GFRAL: variants seen among roughly 807,000 people sequenced by gnomAD.
GFRAL encodes the protein GDNF family receptor alpha-like.
A neutral mutation model predicts 45.4 loss-of-function variants in GFRAL; 36 were observed. That is an observed-to-expected ratio of 0.79 (90% CI 0.61 to 1.05). The LOEUF is 1.05. Among genes scored for constraint, GFRAL ranks in the 50% least tolerant of loss-of-function variants. The pLI, the probability that GFRAL is intolerant of heterozygous loss-of-function variation, is 0.00. For synonymous variants in GFRAL, 166 were observed against 154.1 expected (o/e 1.08, Z -0.57); for missense variants, 507 against 467.5 (o/e 1.08, Z -0.78).
intron 6 of GFRAL, among the ~76,000 whole-genome samples, chr6:55,386,238 A>T (rs187058013): frequency 6.6e-6 from 1 of 152,116 alleles, no homozygotes; most frequent in East Asian, 1.9e-4. Context: ...ATGTGTCCAT[A>T]TTCAATAAAC....
chr6:55,354,486 T>A (rs1306310192), intron 5 of GFRAL, among the ~76,000 whole-genome samples: 1 of 152,070 alleles, frequency 6.6e-6, no homozygotes, highest in Non-Finnish European at 1.5e-5. Context: ...CTTAGATTAG[T>A]TCAAGTGTAA....
chr6:55,337,467 A>G (rs562244548), intron 3 of GFRAL, among the ~76,000 whole-genome samples: 2 of 152,322 alleles, frequency 1.3e-5, no homozygotes, highest in South Asian at 4.1e-4. Flanking sequence ...CTGGAAAAGC[A>G]CAAAAAGAAT....
chr6:55,381,219 C>G (rs1360622947), intron 6 of GFRAL, among the ~76,000 whole-genome samples: 1 of 151,868 alleles, frequency 6.6e-6, no homozygotes, highest in African/African-American at 2.4e-5. Flanking sequence ...CAACTGATTT[C>G]CAGAACCAGC....
intron 6 of GFRAL, among the ~76,000 whole-genome samples, chr6:55,363,014 G>A (rs1002388625): frequency 1.3e-5 from 2 of 150,936 alleles, no homozygotes; most frequent in African/African-American, 4.9e-5. Flanking sequence ...AAAAGAACAA[G>A]GAGAAGAAGT....
chr6:55,331,830 A>C lies in GFRAL; in HGVS notation c.138A>C (p.Glu46Asp). The part of the protein sequence containing the change: ...NGCKHAWRVM[E>D]DACNDSDPGD... The stretch of plus-strand genomic sequence containing the variant: ...GTAAACATGCTTGGAGAGTAATGGA[A>C]GATGCCTGCAATGATTCAGGTAAAC... The change falls in exon 2 of 9, where the codon GAA becomes GAC. Residue 46 changes from glutamate (E) to aspartate (D), a missense_variant. Coordinates refer to ENST00000340465, the MANE Select transcript of GFRAL (RefSeq NM_207410.2). 1 of 1,610,684 alleles carries C rather than the reference A, an allele frequency of 6.2e-7. No homozygotes were observed.
At chr6:55,370,863 A>G (rs79735323) in intron 6 of GFRAL, among the ~76,000 whole-genome samples, 7,051 of 152,278 alleles carry the variant, frequency 0.046, 241 homozygotes, top group African/African-American at 0.081. Flanking sequence ...CAATGAAATA[A>G]TAAAGCACAC....
At chr6:55,352,070 A>T (rs1392068816) in intron 5 of GFRAL, among the ~76,000 whole-genome samples, 2 of 152,082 alleles carry the variant, frequency 1.3e-5, no homozygotes, top group Non-Finnish European at 2.9e-5. Context: ...AGAGATAACC[A>T]GGTCCACACA....
chr6:55,368,209 T>C (rs1768393234), intron 6 of GFRAL, among the ~76,000 whole-genome samples: 1 of 152,070 alleles, frequency 6.6e-6, no homozygotes, highest in Non-Finnish European at 1.5e-5. Context: ...CCATCGCTGA[T>C]ACCCTTTCTT....
chr6:55,401,430 A>C (rs1414371153), intron 8 of GFRAL, among the ~76,000 whole-genome samples: 6 of 152,222 alleles, frequency 3.9e-5, no homozygotes, highest in Non-Finnish European at 7.3e-5. Context: ...CCTGATGGTC[A>C]AGCCCAACCC....
At position 55,402,046 on chromosome 6, in the gene GFRAL, G is replaced by A. The variant is rs900510944; in HGVS notation, c.*193G>A. 27 of 445,894 alleles carry A rather than the reference G, an allele frequency of 6.1e-5. No homozygotes were observed. The highest frequency in any genetic ancestry group is 8.3e-5 in the African/African-American group (4 of 48,086). The allele number at this position is 445,894 out of a possible 1,614,324, so 27.6% of individuals were successfully genotyped here. A position where few individuals can be genotyped will look rare whatever the true frequency, so the allele number is the denominator to read the frequency against. On this transcript the variant is annotated 3_prime_UTR_variant, in exon 9 of 9. Transcript: ENST00000340465. ...GGCTGCAGTACAATGGCTCAATCTC[G>A]GTTCACTGCAACCTCTGCCTCCAAG...
chr6:55,331,817 G>T lies in GFRAL; in HGVS notation c.125G>T (p.Trp42Leu), dbSNP rs1330893936. The change falls in exon 2 of 9, where the codon TGG (tryptophan) becomes TTG (leucine). Residue 42 changes from tryptophan to leucine, a missense_variant. Physicochemically the swap from Trp to Leu is moderately conservative, Grantham distance 61. Transcript: ENST00000340465. ...LRDANGCKHA[W>L]RVMEDACNDS... ...GATGCAAATGGATGTAAACATGCTT[G>T]GAGAGTAATGGAAGATGCCTGCAAT... 1.9e-6 allele frequency: 3 copies of T among 1,610,962 alleles called. No homozygotes were observed. The highest frequency in any genetic ancestry group is 1.3e-5 in the African/African-American group (1 of 74,776).
Position 55,365,235 on chromosome 6 carries a change from C to G in GFRAL, c.952+6097C>G, listed in dbSNP as rs560551099. Among the ~76,000 whole-genome samples, 124 of 144,048 alleles carry G rather than the reference C, an allele frequency of 8.6e-4. 2 individuals are homozygous for G. The East Asian group carries it at 0.021, about 24-fold the overall frequency. 94.5% of individuals were successfully genotyped at this position (144,048 alleles called of 152,430 possible). A position where few individuals can be genotyped will look rare whatever the true frequency, so the allele number is the denominator to read the frequency against. On this transcript the variant is annotated intron_variant, in intron 6 of 8. Coordinates refer to ENST00000340465, the MANE Select transcript of GFRAL (RefSeq NM_207410.2). ...GGGAGTTCACTCTTGATTTGGCTCT[C>G]TGTTTGTCTGTTGTTGGTGTATAAG...
In GFRAL at chr6:55,371,760, G is replaced by C. The variant is rs185841377; in HGVS notation, c.952+12622G>C. ...GTCTTGTGGTAGAGTGATTTGTCAT[G>C]GTTCTAATATTGTTAGACTATCAGA... On this transcript the variant is annotated intron_variant, in intron 6 of 8. Transcript: ENST00000340465. Among the ~76,000 whole-genome samples, 350 of 152,136 alleles carry C rather than the reference G, an allele frequency of 2.3e-3. 4 individuals carry two copies. Among genetic ancestry groups the C allele is most frequent in the South Asian group, 0.011 (51 of 4,818 alleles).
intron 6 of GFRAL, among the ~76,000 whole-genome samples, chr6:55,360,523 T>C (rs1254389059): frequency 6.6e-6 from 1 of 152,024 alleles, no homozygotes; most frequent in Non-Finnish European, 1.5e-5. Flanking sequence ...AATTGTGATT[T>C]GTTGTATATT....
chr6:55,361,514 G>GT (rs1407423481), intron 6 of GFRAL, among the ~76,000 whole-genome samples: 3 of 151,392 alleles, frequency 2.0e-5, no homozygotes, highest in Non-Finnish European at 4.4e-5. Context: ...TCATTTTGCT[G>GT]TTTTTTTAAA....
intron 6 of GFRAL, among the ~76,000 whole-genome samples, chr6:55,382,231 T>C (rs144026429): frequency 6.6e-6 from 1 of 152,070 alleles, no homozygotes; most frequent in East Asian, 1.9e-4. Context: ...CTTATAAATG[T>C]TTGTTTTTCC....
chr6:55,341,739 T>C (rs143877588), intron 3 of GFRAL, among the ~76,000 whole-genome samples: 1,984 of 152,258 alleles, frequency 0.013, 21 homozygotes, highest in Non-Finnish European at 0.022. Flanking sequence ...TAAAGGAGGA[T>C]GTTCGAACCC....
At chr6:55,352,957 A>T (rs1487900881) in intron 5 of GFRAL, among the ~76,000 whole-genome samples, 3 of 152,094 alleles carry the variant, frequency 2.0e-5, no homozygotes, top group Non-Finnish European at 4.4e-5. Flanking sequence ...TTAAAAATGT[A>T]TGTGTTGTTT....
intron 6 of GFRAL, among the ~76,000 whole-genome samples, chr6:55,367,737 A>T (rs1243559550): frequency 6.6e-6 from 1 of 150,938 alleles, no homozygotes; most frequent in Non-Finnish European, 1.5e-5. Flanking sequence ...CTGGGTTGAA[A>T]ATTCTTTTCT....
Sources: gnomAD v4.1 joint callset for allele counts (sites outside exome capture counted in the v4.1 genomes callset) on GRCh38, gnomAD v4.1.1 for gene constraint, MANE v1.5 for transcripts, NCBI Gene and HGNC (gene_info 2026-07-23, HGNC 2026-07-21) for gene names.